ZFP30: variants seen among roughly 807,000 people sequenced by gnomAD.
ZFP30 encodes the protein zinc finger protein 30 homolog.
Under a neutral mutation model 12.3 loss-of-function variants are expected in ZFP30, and 16 were observed. That is an observed-to-expected ratio of 1.30 (90% CI 0.88 to 1.98). The LOEUF is 1.98. ZFP30 is among the 30% of genes most tolerant of loss of function. The pLI is 0.00. For synonymous variants in ZFP30, 172 were observed against 201.0 expected, an observed-to-expected ratio of 0.86 and a Z score of 1.22; for missense variants, 560 against 611.2, an observed-to-expected ratio of 0.92 and a Z score of 0.88.
intron 5 of ZFP30, among the ~76,000 whole-genome samples, chr19:37,642,727 T>C (rs2044459235): frequency 6.6e-6 from 1 of 151,390 alleles, no homozygotes; most frequent in Non-Finnish European, 1.5e-5. Context: ...TCTACTGAAA[T>C]AGGGGAAAGA....
At chr19:37,644,363 G>A (rs765224009) in intron 4 of ZFP30, 2 of 241,508 alleles carry the variant, frequency 8.3e-6, no homozygotes, top group Non-Finnish European at 1.6e-5. Flanking sequence ...GTGAAACCCC[G>A]TCTCTACTTA....
chr19:37,653,684 G>A (rs989818878), intron 2 of ZFP30, among the ~76,000 whole-genome samples: 6 of 152,152 alleles, frequency 3.9e-5, no homozygotes, highest in African/African-American at 1.4e-4. Flanking sequence ...GTCATTACCA[G>A]TTATTTCATT....
intron 2 of ZFP30, among the ~76,000 whole-genome samples, chr19:37,650,439 C>T (rs897436143): frequency 5.9e-5 from 9 of 152,068 alleles, no homozygotes; most frequent in Non-Finnish European, 8.8e-5. Context: ...ATCACTTATA[C>T]CTGAACAAAA....
At chr19:37,636,719 CT>C (rs951582570) in intron 5 of ZFP30, among the ~76,000 whole-genome samples, 1,589 of 145,568 alleles carry the variant, frequency 0.011, 27 homozygotes, top group African/African-American at 0.037. Context: ...TCTTTCTTTT[CT>C]TTTTTTTTTT....
chr19:37,653,083 C>T (rs2044684974), intron 2 of ZFP30, among the ~76,000 whole-genome samples: 1 of 148,210 alleles, frequency 6.7e-6, no homozygotes. Flanking sequence ...CGGCATTGCA[C>T]TCCAACCCGG....
chr19:37,634,647 C>T lies in ZFP30; in HGVS notation c.*334G>A, dbSNP rs1047416474. The T allele has an allele frequency of 5.0e-6, 1 of 200,594 alleles. No individual in the cohort carries two copies. Among genetic ancestry groups the T allele is most frequent in the African/African-American group, 2.3e-5 (1 of 43,562 alleles). 12.4% of individuals were successfully genotyped at this position (200,594 alleles called of 1,614,324 possible). ...CTAAATGACTTTCCTTTCATTTACA[C>T]ATTTTCAGAATGAAGTGGTTCCCTA... On this transcript the variant is annotated 3_prime_UTR_variant, in exon 6 of 6. Coordinates refer to ENST00000684514, the MANE Select transcript of ZFP30 (RefSeq NM_001320669.3).
intron 5 of ZFP30, among the ~76,000 whole-genome samples, chr19:37,641,047 C>T (rs775563964): frequency 2.6e-5 from 4 of 152,114 alleles, no homozygotes; most frequent in Admixed American, 6.6e-5. Flanking sequence ...CAGGTTCAGA[C>T]GATAATCTTA....
chr19:37,644,386 T>TA (rs1295217797), intron 4 of ZFP30: 2 of 297,030 alleles, frequency 6.7e-6, no homozygotes, highest in Non-Finnish European at 1.2e-5. Flanking sequence ...ATACAAAAAT[T>TA]AGCTGGGTGT....
chr19:37,652,959 T>C (rs748068577), intron 2 of ZFP30, among the ~76,000 whole-genome samples: 5 of 151,448 alleles, frequency 3.3e-5, no homozygotes, highest in Non-Finnish European at 5.9e-5. Context: ...CTCTACTAAA[T>C]ACAAAAAATT....
chr19:37,638,640 C>T (rs2044375559), intron 5 of ZFP30, among the ~76,000 whole-genome samples: 1 of 152,228 alleles, frequency 6.6e-6, no homozygotes, highest in African/African-American at 2.4e-5. Flanking sequence ...CATCGCAATA[C>T]TATACAACAA....
At position 37,647,728 on chromosome 19, in the gene ZFP30, A is replaced by G; in HGVS notation, c.9+86T>C. 2.6e-6 allele frequency: 4 copies of G among 1,550,246 alleles called. No individual in the cohort carries two copies. In the South Asian group the frequency reaches 4.5e-5, roughly 17 times the overall value. Reference sequence around the variant, plus strand: ...AGAAGCTGTTGAATGGGGCTCTGTTAGAAAGTTGCAGAATAACAAATGAGA... The same window carrying G: ...AGAAGCTGTTGAATGGGGCTCTGTTGGAAAGTTGCAGAATAACAAATGAGA... On this transcript the variant is annotated intron_variant, in intron 3 of 5. Transcript: ENST00000684514.
Position 37,631,261 on chromosome 19 carries a change from G to A in ZFP30, c.*3720C>T, listed in dbSNP as rs1366784290. ...AAGAGTGAAAGTTACAGGGTAAAAG[G>A]TGCTTCAGATACATTAAGTTAAATA... is the stretch of plus-strand genomic sequence containing the variant. On this transcript the variant is annotated 3_prime_UTR_variant, in exon 6 of 6. Transcript: ENST00000684514. The A allele has an allele frequency of 6.6e-6, 1 of 152,136 alleles. No homozygotes were observed. Among genetic ancestry groups the A allele is most frequent in the Non-Finnish European group, 1.5e-5 (1 of 68,030 alleles). 9.4% of individuals were successfully genotyped at this position (152,136 alleles called of 1,614,324 possible). A position where few individuals can be genotyped will look rare whatever the true frequency, so the allele number is the denominator to read the frequency against.
intron 2 of ZFP30, among the ~76,000 whole-genome samples, chr19:37,650,074 GGTATCCCA>G (rs2044619256): frequency 6.6e-6 from 1 of 151,502 alleles, no homozygotes; most frequent in Non-Finnish European, 1.5e-5. Context: ...TTTACTTGAT[GGTATCCCA>G]GTCCTAGGTG....
intron 5 of ZFP30, among the ~76,000 whole-genome samples, chr19:37,642,392 T>C (rs539913426): frequency 6.6e-6 from 1 of 152,352 alleles, no homozygotes; most frequent in Non-Finnish European, 1.5e-5. Context: ...AGTCATTATA[T>C]GTAATGACGT....
At chr19:37,656,083 G>A (rs1033607072), upstream of ZFP30, 11 of 152,596 alleles carry the variant, frequency 7.2e-5, no homozygotes, top group African/African-American at 2.7e-4. Context: ...GCTGCCTGTG[G>A]TGTTTGCTGA....
chr19:37,650,142 C>T (rs1769694917), intron 2 of ZFP30, among the ~76,000 whole-genome samples: 1 of 150,090 alleles, frequency 6.7e-6, no homozygotes, highest in South Asian at 2.1e-4. Context: ...TTTTTTTAGG[C>T]AGGCTTTTGC....
At position 37,635,121 on chromosome 19, in the gene ZFP30, C is replaced by T. The variant is rs756030307; in HGVS notation, c.1420G>A (p.Ala474Thr). The T allele has an allele frequency of 1.9e-6, 3 of 1,613,534 alleles. No homozygotes were observed. The highest frequency in any genetic ancestry group is 2.5e-6 in the Non-Finnish European group (3 of 1,179,766). ...ATCAGTGATGAATGAAGTCTAAAGG[C>T]CTTTCCACATTCCTTACAGTCATAG... ...KPYDCKECGKAFRLHSSLIQH... is the reference protein window; with the variant it reads ...KPYDCKECGKTFRLHSSLIQH... The change falls in exon 6 of 6, where the codon GCC becomes ACC. Residue 474 changes from alanine to threonine, a missense_variant. Physicochemically the swap from Ala to Thr is moderately conservative, Grantham distance 58. Transcript: ENST00000684514.
chr19:37,637,241 GT>G (rs1306343392), intron 5 of ZFP30, among the ~76,000 whole-genome samples: 8 of 102,566 alleles, frequency 7.8e-5, no homozygotes, highest in Admixed American at 3.5e-4. Flanking sequence ...TTTCGCTCTT[GT>G]TGCCCAAGCT....
intron 3 of ZFP30, 97 bp downstream of exon 3, chr19:37,647,717 G>A: frequency 6.7e-7 from 1 of 1,488,860 alleles, no homozygotes; most frequent in Non-Finnish European, 9.3e-7. Context: ...GCTGTTGAAT[G>A]GGGCTCTGTT....
Sources: allele counts gnomAD v4.1 joint callset (sites outside exome capture counted in the v4.1 genomes callset), GRCh38; gene constraint gnomAD v4.1.1; transcripts MANE v1.5; gene names NCBI Gene and HGNC (gene_info 2026-07-23, HGNC 2026-07-21).